The following ERBIN variants were observed in gnomAD, a reference collection of about 807,000 sequenced individuals.
ERBIN encodes the protein densin-180-like protein.
A neutral mutation model predicts 158.4 loss-of-function variants in ERBIN; 60 were observed. The ratio of observed to expected loss-of-function variants is 0.38; its 90% CI spans 0.31 to 0.47. ERBIN has a LOEUF of 0.47. Ranked by LOEUF, ERBIN falls within the 20% of genes least tolerant of loss-of-function variation. The pLI is 0.99. For synonymous variants in ERBIN, 594 were observed against 557.2 expected (o/e 1.07, Z -0.93); for missense variants, 1,610 against 1,648.0 (o/e 0.98, Z 0.40).
At chr5:66,020,277 T>A (rs1456281882) in intron 7 of ERBIN, among the ~76,000 whole-genome samples, 2 of 152,058 alleles carry the variant, frequency 1.3e-5, no homozygotes, top group African/African-American at 4.8e-5. Flanking sequence ...TATTTTTGAC[T>A]AAAAAGCTGG....
Position 65,952,728 on chromosome 5 carries a change from G to C in ERBIN, c.-58+25922G>C, listed in dbSNP as rs187107124. 1.4e-3 allele frequency among the ~76,000 whole-genome samples: 214 copies of C among 152,142 alleles called. 1 individual carries two copies. The highest frequency in any genetic ancestry group is 5.0e-3 in the African/African-American group (208 of 41,508). ...TTACAGATACCTTGTATATTAATTTGTCTTAATTTGAAACTCATAGAACTT... is the reference window on the plus strand; with the variant it reads ...TTACAGATACCTTGTATATTAATTTCTCTTAATTTGAAACTCATAGAACTT... On this transcript the variant is annotated intron_variant, in intron 1 of 25. Coordinates refer to ENST00000284037, the MANE Select transcript of ERBIN (RefSeq NM_001253697.2).
rs761991645 is a variant in ERBIN, at chr5:66,026,316, A to G, written c.1035A>G (p.Lys345=). ...QQLPPEIGSW[K]NITVLFLHSN... ...TTCTCTTTCAGATTGGAAGCTGGAA[A>G]AATATAACTGTGCTGTTTCTCCATT... The change falls in exon 13 of 26, where the codon AAA becomes AAG. Residue 345 remains lysine (K), a synonymous_variant. Coordinates refer to ENST00000284037, the MANE Select transcript of ERBIN (RefSeq NM_001253697.2). 18 of 1,581,794 alleles carry G rather than the reference A, an allele frequency of 1.1e-5. No homozygotes were observed. Among genetic ancestry groups the G allele is most frequent in the Non-Finnish European group, 1.5e-5 (18 of 1,167,912 alleles).
At chr5:65,983,127 T>C (rs1750829402) in intron 1 of ERBIN, among the ~76,000 whole-genome samples, 1 of 152,250 alleles carries the variant, frequency 6.6e-6, no homozygotes, top group Non-Finnish European at 1.5e-5. Context: ...TGCACAGTAA[T>C]ACATTTTTAG....
At position 66,062,241 on chromosome 5, in the gene ERBIN, CT is replaced by C. The variant is rs528742409; in HGVS notation, c.3633+7295del. On this transcript the variant is annotated intron_variant, in intron 21 of 25. Transcript: ENST00000284037. ...TATTTCTTGGAGGCTTTGTTCGTTTCTTTTTATTCTTTTTTCTCTAAACTTC... is the reference window on the plus strand; with the variant it reads ...TATTTCTTGGAGGCTTTGTTCGTTTCTTTTATTCTTTTTTCTCTAAACTTC... 5.3e-5 allele frequency among the ~76,000 whole-genome samples: 8 copies of C among 152,234 alleles called. No homozygotes were observed. The East Asian group carries it at 1.5e-3, about 29-fold the overall frequency.
chr5:66,076,252 G>T, intron 23 of ERBIN, 64 bp from the exon 24 acceptor site: 1 of 1,189,354 alleles, frequency 8.4e-7, no homozygotes, highest in South Asian at 1.3e-5. Context: ...ATTTAAATAT[G>T]GATGTTGTTG....
intron 1 of ERBIN, among the ~76,000 whole-genome samples, chr5:65,930,066 G>A (rs926366897): frequency 6.6e-6 from 1 of 152,108 alleles, no homozygotes; most frequent in African/African-American, 2.4e-5. Flanking sequence ...TATATTTATA[G>A]TTAGCTTCAT....
chr5:65,946,787 CTT>C (rs918837936), intron 1 of ERBIN, among the ~76,000 whole-genome samples: 38 of 134,400 alleles, frequency 2.8e-4, no homozygotes, highest in Non-Finnish European at 2.9e-4. Flanking sequence ...TTGGTTGTTA[CTT>C]TTTTTTTTTT....
chr5:65,957,833 G>T (rs910001759), intron 1 of ERBIN, among the ~76,000 whole-genome samples: 25 of 151,650 alleles, frequency 1.6e-4, no homozygotes, highest in Non-Finnish European at 2.7e-4. Flanking sequence ...GGCGGCTGCC[G>T]GGCGGAGGGG....
intron 1 of ERBIN, among the ~76,000 whole-genome samples, chr5:65,952,729 T>C (rs1039348819): frequency 6.6e-6 from 1 of 152,204 alleles, no homozygotes; most frequent in African/African-American, 2.4e-5. Flanking sequence ...TATTAATTTG[T>C]CTTAATTTGA....
intron 1 of ERBIN, among the ~76,000 whole-genome samples, chr5:65,928,861 A>T (rs1205971413): frequency 2.0e-5 from 3 of 152,208 alleles, no homozygotes; most frequent in Admixed American, 2.0e-4. Context: ...AGGTTAATAG[A>T]GGAGTCATCC....
At chr5:66,039,025 CGTGTGTGTGTGT>C (rs149165726) in intron 15 of ERBIN, among the ~76,000 whole-genome samples, 1 of 148,708 alleles carries the variant, frequency 6.7e-6, no homozygotes, top group Non-Finnish European at 1.5e-5. Flanking sequence ...GTACTCTCTG[CGTGTGTGTGTGT>C]GTGTGTGTTT....
At chr5:66,015,672 A>G (rs560043589) in intron 7 of ERBIN, among the ~76,000 whole-genome samples, 11 of 152,138 alleles carry the variant, frequency 7.2e-5, no homozygotes, top group Non-Finnish European at 1.5e-4. Flanking sequence ...CCCCATCTCT[A>G]TAGAAAATTA....
chr5:66,033,709 A>G (rs1757115972), intron 14 of ERBIN, among the ~76,000 whole-genome samples: 1 of 152,178 alleles, frequency 6.6e-6, no homozygotes, highest in Non-Finnish European at 1.5e-5. Flanking sequence ...AGGAAATGGA[A>G]TGGAACATAA....
Position 66,054,374 on chromosome 5 carries a change from A to G in ERBIN, c.3056A>G (p.Gln1019Arg). Residue 1019 changes from glutamine to arginine, a missense_variant, in exon 21 of 26, where the codon CAA becomes CGA. Transcript: ENST00000284037. ...CCTAGATCAGAGAGCACAGAAAATC[A>G]AAGTTATGCTAAACATTCTGCCAAT... ...LLPRSESTEN[Q>R]SYAKHSANMN... 1.9e-6 allele frequency: 3 copies of G among 1,614,200 alleles called. No homozygotes were observed. Among genetic ancestry groups the G allele is most frequent in the Non-Finnish European group, 2.5e-6 (3 of 1,180,022 alleles).
At chr5:66,003,053 T>G (rs559208438) in intron 4 of ERBIN, among the ~76,000 whole-genome samples, 1 of 152,382 alleles carries the variant, frequency 6.6e-6, no homozygotes, top group South Asian at 2.1e-4. Context: ...TGTTGTGTTA[T>G]ATCTGGTCCA....
intron 1 of ERBIN, among the ~76,000 whole-genome samples, chr5:65,945,456 G>A (rs1243689867): frequency 2.6e-5 from 4 of 151,980 alleles, no homozygotes; most frequent in African/African-American, 9.7e-5. Context: ...ACATAAATTT[G>A]TTCATCCAGG....
intron 4 of ERBIN, among the ~76,000 whole-genome samples, chr5:66,010,415 G>T (rs774033167): frequency 1.7e-4 from 26 of 152,122 alleles, no homozygotes; most frequent in Non-Finnish European, 3.4e-4. Context: ...GTGCTTGTCA[G>T]ATTTCTCTAC....
At chr5:66,056,328 C>A (rs953153157) in intron 21 of ERBIN, among the ~76,000 whole-genome samples, 2 of 152,048 alleles carry the variant, frequency 1.3e-5, no homozygotes, top group Non-Finnish European at 2.9e-5. Flanking sequence ...TGAGATTGTG[C>A]CTTAAATAAC....
At chr5:65,998,270 C>T (rs966473020) in intron 4 of ERBIN, among the ~76,000 whole-genome samples, 3 of 148,664 alleles carry the variant, frequency 2.0e-5, no homozygotes, top group African/African-American at 2.5e-5. Context: ...TTATATATCT[C>T]CACTTATTAA....
Sources: gnomAD v4.1 joint callset for allele counts (sites outside exome capture counted in the v4.1 genomes callset) on GRCh38, gnomAD v4.1.1 for gene constraint, MANE v1.5 for transcripts, NCBI Gene and HGNC (gene_info 2026-07-23, HGNC 2026-07-21) for gene names.